Variants in DOCK6 observed in about 807,000 individuals in gnomAD.
The protein encoded by DOCK6 is dedicator of cytokinesis 6.
In DOCK6, 167 loss-of-function variants were observed where a neutral mutation model predicts 230.3. The observed-to-expected ratio is 0.73, with a 90% CI of 0.64 to 0.82. The LOEUF (loss-of-function observed/expected upper bound fraction) is 0.82, where lower values mean the gene tolerates loss of function less well. DOCK6 is among the 40% of genes least tolerant of loss of function. The pLI, the probability that DOCK6 is intolerant of heterozygous loss-of-function variation, is 0.00. For missense variants in DOCK6, 2,598 were observed against 2,825.8 expected (o/e 0.92, Z 1.83); for synonymous variants, 1,148 against 1,185.0 (o/e 0.97, Z 0.64).
chr19:11,219,595 C>T (rs2079549942), intron 28 of DOCK6, among the ~76,000 whole-genome samples: 1 of 151,774 alleles, frequency 6.6e-6, no homozygotes, highest in Admixed American at 6.6e-5. Context: ...CGAGACCATC[C>T]TGGTTAATAC....
At chr19:11,220,294 G>A (rs545021619) in intron 28 of DOCK6, among the ~76,000 whole-genome samples, 3 of 152,244 alleles carry the variant, frequency 2.0e-5, no homozygotes, top group South Asian at 2.1e-4. Context: ...TGGTTCCCAA[G>A]TCTATGCTCT....
intron 1 of DOCK6, among the ~76,000 whole-genome samples, chr19:11,260,815 G>A (rs1349272538): frequency 2.2e-5 from 3 of 135,256 alleles, no homozygotes; most frequent in East Asian, 4.8e-4. Context: ...CCCAGGAGGC[G>A]AAGGTTGCAG....
At position 11,245,569 on chromosome 19, in the gene DOCK6, G is replaced by GACC; in HGVS notation, c.1014_1016dup (p.Val339dup). On this transcript the variant is annotated inframe_insertion, in exon 9 of 48. Coordinates refer to ENST00000294618, the MANE Select transcript of DOCK6 (RefSeq NM_020812.4). ...GCCCAGCCCCAGCAGGCACCTTGAT[G>GACC]ACCAGGAAGATGTCAGGTGAGGGGT... 1 of 1,556,798 alleles carries GACC rather than the reference G, an allele frequency of 6.4e-7. No individual in the cohort carries two copies. Among genetic ancestry groups the GACC allele is most frequent in the Non-Finnish European group, 8.7e-7 (1 of 1,150,036 alleles).
rs770769336 is a variant in DOCK6, at chr19:11,245,698, G to A, written c.888C>T (p.Phe296=). ...VREKKKISEN[F]YFDLNSDSMK... is the part of the protein sequence containing the mutation. ...TGGAGTCCGAGTTCAGGTCGAAGTA[G>A]AAGTTCTCCGAGATCTGGGGACACC... Residue 296 remains phenylalanine, a synonymous_variant, in exon 9 of 48, where the codon TTC becomes TTT. Coordinates refer to ENST00000294618, the MANE Select transcript of DOCK6 (RefSeq NM_020812.4). 6 of 1,604,794 alleles carry A rather than the reference G, an allele frequency of 3.7e-6. No individual in the cohort carries two copies. The South Asian group carries it at 6.7e-5, about 18-fold the overall frequency.
At chr19:11,232,241 C>T (rs773735135) in intron 22 of DOCK6, 223 of 1,289,586 alleles carry the variant, frequency 1.7e-4, no homozygotes, top group Non-Finnish European at 2.2e-4. Context: ...GCCTTACTGC[C>T]TCCTGGAGCA....
intron 37 of DOCK6, 65 bp from the exon 38 acceptor site, chr19:11,209,168 CT>C: frequency 6.5e-7 from 1 of 1,533,532 alleles, no homozygotes; most frequent in Non-Finnish European, 8.8e-7. Context: ...CTGCCTCCCA[CT>C]TGTCCATTCT....
In DOCK6 at chr19:11,222,398, G is replaced by A; in HGVS notation, c.3241-150C>T. The A allele has an allele frequency of 8.6e-7, 1 of 1,164,592 alleles. No homozygotes were observed. The highest frequency in any genetic ancestry group is 1.2e-6 in the Non-Finnish European group (1 of 839,074). The allele number at this position is 1,164,592 out of a possible 1,614,324, so 72.1% of individuals were successfully genotyped here. ...TTAAGTCATCTGGAGGTGACAGTGG[G>A]CATGGGTTTCAAGGCCAGAAGTGAG... On this transcript the variant is annotated intron_variant, in intron 26 of 47. Coordinates refer to ENST00000294618, the MANE Select transcript of DOCK6 (RefSeq NM_020812.4). The surrounding 1 kb of genome is among the most constrained non-coding windows in gnomAD (Gnocchi z 4.0).
intron 22 of DOCK6, among the ~76,000 whole-genome samples, chr19:11,232,854 CTGTG>C (rs1341884705): frequency 6.6e-6 from 1 of 150,506 alleles, no homozygotes; most frequent in African/African-American, 2.5e-5. Context: ...GTATATGCAC[CTGTG>C]TATGTATATG....
chr19:11,215,925 C>T lies in DOCK6; in HGVS notation c.3897G>A (p.Gly1299=), dbSNP rs777003891. Residue 1299 remains glycine (G), a splice_region_variant and synonymous_variant, in exon 31 of 48, where the codon GGG becomes GGA. Transcript: ENST00000294618. The part of the protein sequence containing the change: ...YLCLAAFEYK[G]KKAFERINSL... ...TGTTGATGCGTTCAAAGGCCTTTTT[C>T]CCCTGGGGGTGCAGAGAACTGGGGT... The T allele has an allele frequency of 1.9e-6, 3 of 1,613,628 alleles. No homozygotes were observed. The highest frequency in any genetic ancestry group is 1.7e-4 in the Middle Eastern group (1 of 6,060).
In DOCK6 at chr19:11,202,674, G is replaced by A. The variant is rs757959680; in HGVS notation, c.5271C>T (p.Tyr1757=). 19 of 1,613,874 alleles carry A rather than the reference G, an allele frequency of 1.2e-5. No homozygotes were observed. Among genetic ancestry groups the A allele is most frequent in the South Asian group, 2.2e-5 (2 of 91,092 alleles). Residue 1757 remains tyrosine, a synonymous_variant, in exon 42 of 48, where the codon TAC becomes TAT. Transcript: ENST00000294618. This position sits in a 1 kb window ranked among gnomAD's most constrained non-coding sequence, Gnocchi z 5.3. ...VFGTYFRVGF[Y]GAHFGDLDEQ... ...CATCCAGGTCACCGAAGTGGGCGCC[G>A]TAGAAGCCCACGCGGAAATACGTCC...
intron 22 of DOCK6, among the ~76,000 whole-genome samples, chr19:11,231,639 T>C (rs984346422): frequency 3.9e-5 from 6 of 152,170 alleles, no homozygotes; most frequent in Non-Finnish European, 8.8e-5. Context: ...ATCTCCATTT[T>C]ACAAATGAAG....
Position 11,262,395 on chromosome 19 carries a change from A to C in DOCK6, c.44+2T>G. 1 of 1,275,894 alleles carries C rather than the reference A, an allele frequency of 7.8e-7. No individual in the cohort carries two copies. The highest frequency in any genetic ancestry group is 2.8e-5 in the South Asian group (1 of 36,002). The allele number at this position is 1,275,894 out of a possible 1,614,324, so 79.0% of individuals were successfully genotyped here. On this transcript the variant is annotated splice_donor_variant, in intron 1 of 47. Transcript: ENST00000294618. LOFTEE classifies it high-confidence loss of function. ...TGGGAGGGGGCCCCGCGGCCACACT[A>C]CCTGTTGATCTTGTGCGCGAAGGCG...
At chr19:11,252,369 G>C in intron 4 of DOCK6, 113 bp downstream of exon 4, 2 of 1,580,274 alleles carry the variant, frequency 1.3e-6, no homozygotes, top group Non-Finnish European at 1.7e-6. Context: ...CACCAGACAA[G>C]TTTGCCTGCT....
At chr19:11,216,100 TTTC>T in intron 30 of DOCK6, 173 bp from the exon 31 acceptor site, 2 of 706,462 alleles carry the variant, frequency 2.8e-6, no homozygotes, top group Non-Finnish European at 4.3e-6. Flanking sequence ...ATTTTTTTTT[TTTC>T]TTGAAACAGA....
intron 8 of DOCK6, 26 bp from the exon 9 acceptor site, chr19:11,245,738 C>T (rs927356546): frequency 1.9e-6 from 3 of 1,604,450 alleles, no homozygotes; most frequent in Non-Finnish European, 2.6e-6. Flanking sequence ...GCAGCTGGGC[C>T]ACCACCTCTG....
chr19:11,246,904 A>G (rs958415549), intron 7 of DOCK6, among the ~76,000 whole-genome samples: 3 of 151,826 alleles, frequency 2.0e-5, no homozygotes, highest in African/African-American at 4.8e-5. Context: ...CATCCTCTCT[A>G]TTCAGCCAGC....
intron 14 of DOCK6, chr19:11,240,008 A>C: frequency 3.2e-6 from 5 of 1,548,064 alleles, no homozygotes; most frequent in Admixed American, 3.9e-5. Flanking sequence ...GTAACCAACC[A>C]TCCTGGTTTG....
chr19:11,261,092 C>T (rs2080280201), intron 1 of DOCK6, among the ~76,000 whole-genome samples: 1 of 151,914 alleles, frequency 6.6e-6, no homozygotes, highest in African/African-American at 2.4e-5. Context: ...GAGAACTCCC[C>T]ATGGCTCCCA....
At position 11,252,569 on chromosome 19, in the gene DOCK6, AG is replaced by A; in HGVS notation, c.309-20del. On this transcript the variant is annotated intron_variant, in intron 3 of 47. Transcript: ENST00000294618. ...CAGTTTTCTGCAGCAAAAGAAGATC[AG>A]GGTAAACAGAGACAAGGCCTCTGTG... 6.2e-7 allele frequency: 1 copy of A among 1,613,892 alleles called. No individual in the cohort carries two copies. The highest frequency in any genetic ancestry group is 8.5e-7 in the Non-Finnish European group (1 of 1,179,848).
Sources: gnomAD v4.1 joint callset for allele counts (sites outside exome capture counted in the v4.1 genomes callset) on GRCh38, gnomAD v4.1.1 for gene constraint, Gnocchi (gnomAD v3.1) non-coding constraint, MANE v1.5 for transcripts, NCBI Gene and HGNC (gene_info 2026-07-23, HGNC 2026-07-21) for gene names.